URI1: variants seen among roughly 807,000 people sequenced by gnomAD.
URI1 encodes unconventional prefoldin RPB5 interactor 1.
In URI1, 39 loss-of-function variants were observed where a neutral mutation model predicts 60.2. That is an observed-to-expected ratio of 0.65 (90% CI 0.50 to 0.85). The LOEUF (loss-of-function observed/expected upper bound fraction) is 0.85, where lower values mean the gene tolerates loss of function less well. URI1 is among the 40% of genes least tolerant of loss of function. The pLI, the probability that URI1 is intolerant of heterozygous loss-of-function variation, is 0.00. For missense variants in URI1, 691 were observed against 665.9 expected, an observed-to-expected ratio of 1.04 and a Z score of -0.42; for synonymous variants, 251 against 236.8, an observed-to-expected ratio of 1.06 and a Z score of -0.55.
intron 1 of URI1, among the ~76,000 whole-genome samples, chr19:29,936,096 AT>A (rs966307650): frequency 1.4e-5 from 2 of 146,264 alleles, no homozygotes; most frequent in South Asian, 2.2e-4. Context: ...CTTAAAAAAA[AT>A]TTTTTTTTGA....
intron 1 of URI1, among the ~76,000 whole-genome samples, chr19:29,949,062 G>A (rs1304515370): frequency 4.3e-5 from 6 of 139,722 alleles, no homozygotes; most frequent in South Asian, 2.3e-4. Context: ...GCTGCCCCCC[G>A]CCTCCCGGAC....
chr19:30,006,947 G>A (rs938229938), intron 6 of URI1, among the ~76,000 whole-genome samples: 8 of 152,086 alleles, frequency 5.3e-5, no homozygotes, highest in African/African-American at 1.7e-4. Flanking sequence ...ACAGAGATGA[G>A]CCGCCGTTGT....
At chr19:29,958,216 T>C (rs1352644446) in intron 1 of URI1, 1 of 152,146 alleles carries the variant, frequency 6.6e-6, no homozygotes, top group African/African-American at 2.4e-5. Flanking sequence ...TTTTTTTTTA[T>C]GGTTGTTTGT....
chr19:29,933,424 C>CTG (rs2054939823), intron 1 of URI1, among the ~76,000 whole-genome samples: 2 of 152,126 alleles, frequency 1.3e-5, no homozygotes, highest in Non-Finnish European at 2.9e-5. Flanking sequence ...ATAGTATTAT[C>CTG]CAATTTATTT....
chr19:29,924,784 C>T (rs1430393929), intron 1 of URI1, among the ~76,000 whole-genome samples: 1 of 152,222 alleles, frequency 6.6e-6, no homozygotes, highest in Non-Finnish European at 1.5e-5. Flanking sequence ...AGGAGCTCTG[C>T]CTGCCCTCAG....
At chr19:29,927,629 T>C (rs1599643283) in intron 1 of URI1, among the ~76,000 whole-genome samples, 1 of 131,260 alleles carries the variant, frequency 7.6e-6, no homozygotes, top group Non-Finnish European at 1.5e-5. Flanking sequence ...AGTGCTGGAG[T>C]GCAATGGCGT....
At chr19:29,968,565 C>CTTTTTT (rs35475321) in intron 1 of URI1, among the ~76,000 whole-genome samples, 45 of 74,394 alleles carry the variant, frequency 6.0e-4, no homozygotes, top group East Asian at 1.7e-3. Flanking sequence ...CTAATTTTTT[C>CTTTTTT]TTTTTTTTTT....
chr19:29,988,800 T>C (rs183277496), intron 4 of URI1, among the ~76,000 whole-genome samples: 191 of 152,336 alleles, frequency 1.3e-3, no homozygotes, highest in Middle Eastern at 3.4e-3. Flanking sequence ...GGTAAATACC[T>C]ACAAGTGAGA....
chr19:29,942,907 A>T (rs1052962033), intron 1 of URI1, among the ~76,000 whole-genome samples: 2 of 152,134 alleles, frequency 1.3e-5, no homozygotes, highest in Non-Finnish European at 2.9e-5. Flanking sequence ...GGCGTGCGGC[A>T]GCGCGTGGGA....
At chr19:29,962,104 C>T (rs1472472044) in intron 1 of URI1, among the ~76,000 whole-genome samples, 1 of 152,166 alleles carries the variant, frequency 6.6e-6, no homozygotes, top group East Asian at 1.9e-4. Context: ...TTTTACATTC[C>T]CGGACAAATT....
At chr19:29,970,721 G>A (rs192488284) in intron 1 of URI1, among the ~76,000 whole-genome samples, 1 of 151,816 alleles carries the variant, frequency 6.6e-6, no homozygotes, top group Non-Finnish European at 1.5e-5. Flanking sequence ...TAATGCGTCA[G>A]AATAAAAATT....
chr19:29,970,766 T>G (rs1278114336), intron 1 of URI1, among the ~76,000 whole-genome samples: 2 of 152,064 alleles, frequency 1.3e-5, no homozygotes, highest in Non-Finnish European at 2.9e-5. Context: ...ACTGACAAAA[T>G]AAAATATTGT....
intron 1 of URI1, among the ~76,000 whole-genome samples, chr19:29,929,473 T>C (rs1156347690): frequency 6.6e-6 from 1 of 152,078 alleles, no homozygotes; most frequent in East Asian, 1.9e-4. Context: ...GGCAGGTGCC[T>C]GTAATCCCAG....
intron 1 of URI1, among the ~76,000 whole-genome samples, chr19:29,950,962 T>C (rs2055172302): frequency 6.6e-6 from 1 of 152,182 alleles, no homozygotes; most frequent in South Asian, 2.1e-4. Flanking sequence ...AAACAAACAT[T>C]TTTGGCAAGA....
Position 29,935,197 on chromosome 19 carries a change from C to T in URI1, c.63+11443C>T, listed in dbSNP as rs1019949025. ...GTATATTTTTTAGTTATTTTCTTAG[C>T]GGTTGCCTTGGGGATCACAATTAGC... On this transcript the variant is annotated intron_variant, in intron 1 of 10. Transcript: ENST00000360605. 5.9e-5 allele frequency among the ~76,000 whole-genome samples: 9 copies of T among 151,814 alleles called. No homozygotes were observed. The South Asian group carries it at 6.2e-4, about 11-fold the overall frequency.
At chr19:29,986,043 A>G (rs1396993056) in intron 3 of URI1, among the ~76,000 whole-genome samples, 2 of 152,204 alleles carry the variant, frequency 1.3e-5, no homozygotes, top group Non-Finnish European at 2.9e-5. Context: ...ATATGTAAAT[A>G]TGGTGTGGAT....
intron 2 of URI1, among the ~76,000 whole-genome samples, chr19:29,979,847 T>G (rs1282288354): frequency 6.6e-6 from 1 of 152,184 alleles, no homozygotes; most frequent in Non-Finnish European, 1.5e-5. Flanking sequence ...GTTACTTATA[T>G]CAATTGAAAT....
upstream of URI1, among the ~76,000 whole-genome samples, chr19:29,940,578 G>A (rs970842394): frequency 5.9e-5 from 9 of 152,130 alleles, no homozygotes; most frequent in African/African-American, 1.9e-4. Flanking sequence ...GAACCCAAGA[G>A]GCAGAGGGTG....
At chr19:29,952,086 G>A (rs534064231) in intron 1 of URI1, among the ~76,000 whole-genome samples, 97 of 152,316 alleles carry the variant, frequency 6.4e-4, no homozygotes, top group African/African-American at 2.3e-3. Flanking sequence ...ACCAGAAAAA[G>A]CAGTCATCAC....
Sources: allele counts gnomAD v4.1 joint callset (sites outside exome capture counted in the v4.1 genomes callset), GRCh38; gene constraint gnomAD v4.1.1; transcripts MANE v1.5; gene names NCBI Gene and HGNC (gene_info 2026-07-23, HGNC 2026-07-21).